TMEM170A: variants seen among roughly 807,000 people sequenced by gnomAD.
TMEM170A encodes the protein transmembrane protein 170A.
TMEM170A carries 18 observed loss-of-function variants against 12.8 expected under a neutral mutation model. That is an observed-to-expected ratio of 1.41 (90% CI 0.97 to 2.09). The LOEUF (loss-of-function observed/expected upper bound fraction) is 2.09, where lower values mean the gene tolerates loss of function less well. Among genes scored for constraint, TMEM170A ranks in the 30% most tolerant of loss-of-function variants. The probability of loss-of-function intolerance (pLI) is 0.00; values close to 1 mark genes in which losing one functional copy is unlikely to be tolerated. For synonymous variants in TMEM170A, 107 were observed against 76.2 expected (o/e 1.40, Z -2.11); for missense variants, 220 against 179.9 (o/e 1.22, Z -1.28).
At chr16:75,448,431 G>C (rs1043697792) in intron 2 of TMEM170A, among the ~76,000 whole-genome samples, 1 of 152,134 alleles carries the variant, frequency 6.6e-6, no homozygotes, top group South Asian at 2.1e-4. Context: ...TTATACCAAG[G>C]AAGTGTACCA....
Position 75,449,621 on chromosome 16 carries a change from T to C in TMEM170A, c.305-1933A>G, listed in dbSNP as rs1014804974. Reference sequence around the variant, plus strand: ...GGCATAAGCCACCATGCCTGGCACATTTCACAAATGTGATGTGAAGGTATA... The same window carrying C: ...GGCATAAGCCACCATGCCTGGCACACTTCACAAATGTGATGTGAAGGTATA... On this transcript the variant is annotated intron_variant, in intron 2 of 2. Coordinates refer to ENST00000561878, the MANE Select transcript of TMEM170A (RefSeq NM_145254.3). Among the ~76,000 whole-genome samples the C allele has an allele frequency of 5.9e-5, 9 of 152,196 alleles. No homozygotes were observed. The South Asian group carries it at 8.3e-4, about 14-fold the overall frequency.
At chr16:75,451,620 G>T (rs1359905436) in intron 2 of TMEM170A, 49 bp downstream of exon 2, 2 of 1,583,712 alleles carry the variant, frequency 1.3e-6, no homozygotes, top group South Asian at 2.2e-5. Flanking sequence ...TCCTGAAATT[G>T]ACTAGTCATA....
At chr16:75,448,689 A>G (rs937511035) in intron 2 of TMEM170A, among the ~76,000 whole-genome samples, 1 of 151,798 alleles carries the variant, frequency 6.6e-6, no homozygotes, top group African/African-American at 2.4e-5. Context: ...GCTTGAACCC[A>G]GGAGGTGGAG....
At chr16:75,463,926 G>A (rs1470909042) in intron 1 of TMEM170A, among the ~76,000 whole-genome samples, 1 of 152,246 alleles carries the variant, frequency 6.6e-6, no homozygotes, top group African/African-American at 2.4e-5. Context: ...AAGATTCCTA[G>A]AAAGCGGAGC....
intron 2 of TMEM170A, among the ~76,000 whole-genome samples, chr16:75,449,329 C>T (rs1393835799): frequency 1.0e-5 from 1 of 97,840 alleles, no homozygotes; most frequent in Non-Finnish European, 2.2e-5. Flanking sequence ...ATCACGTTTA[C>T]AATTTTTTTT....
intron 2 of TMEM170A, among the ~76,000 whole-genome samples, chr16:75,449,558 A>G (rs939233134): frequency 2.0e-5 from 3 of 152,166 alleles, no homozygotes; most frequent in African/African-American, 7.2e-5. Flanking sequence ...GACTTAAGCA[A>G]TCCTCCCAAG....
chr16:75,447,777 G>A (rs1465231311), intron 2 of TMEM170A, 89 bp from the exon 3 acceptor site: 1 of 1,382,222 alleles, frequency 7.2e-7, no homozygotes. Flanking sequence ...ACTACTGCGA[G>A]TAGAATGTTC....
In TMEM170A at chr16:75,464,405, C is replaced by A. The variant is rs529215872; in HGVS notation, c.133+63G>T. The A allele has an allele frequency of 1.3e-3, 1,830 of 1,384,476 alleles. 3 individuals are homozygous for A. Among genetic ancestry groups the A allele is most frequent in the Non-Finnish European group, 1.4e-3 (1,549 of 1,069,646 alleles). 85.8% of individuals were successfully genotyped at this position (1,384,476 alleles called of 1,614,324 possible). On this transcript the variant is annotated intron_variant, in intron 1 of 2. Coordinates refer to ENST00000561878, the MANE Select transcript of TMEM170A (RefSeq NM_145254.3). ...CCCGGGACCCCGCCCAGACTCGGGG[C>A]GCCCACAGCACGGCAGCGGCGACGG...
intron 2 of TMEM170A, among the ~76,000 whole-genome samples, chr16:75,450,399 T>G (rs1322777239): frequency 2.6e-5 from 4 of 152,062 alleles, no homozygotes; most frequent in Non-Finnish European, 5.9e-5. Flanking sequence ...AAATGGAGGA[T>G]TTTACATTTT....
At chr16:75,464,071 A>C (rs1216612668) in intron 1 of TMEM170A, among the ~76,000 whole-genome samples, 1 of 152,162 alleles carries the variant, frequency 6.6e-6, no homozygotes, top group Non-Finnish European at 1.5e-5. Flanking sequence ...GGCCGCTCCG[A>C]GACCCCTCGA....
At chr16:75,449,029 C>T (rs1186313482) in intron 2 of TMEM170A, among the ~76,000 whole-genome samples, 1 of 151,674 alleles carries the variant, frequency 6.6e-6, no homozygotes, top group Non-Finnish European at 1.5e-5. Flanking sequence ...CCACTGCACT[C>T]CAGCCTGGGT....
intron 1 of TMEM170A, among the ~76,000 whole-genome samples, chr16:75,461,817 A>G (rs533089260): frequency 1.2e-4 from 18 of 152,348 alleles, no homozygotes; most frequent in Non-Finnish European, 2.5e-4. Flanking sequence ...CAAGTTACAT[A>G]CCCATAACAG....
In TMEM170A at chr16:75,464,618, C is replaced by T. The variant is rs2079966457; in HGVS notation, c.-18G>A. 1.3e-6 allele frequency: 2 copies of T among 1,573,446 alleles called. No homozygotes were observed. Among genetic ancestry groups the T allele is most frequent in the Admixed American group, 1.9e-5 (1 of 53,912 alleles). The stretch of plus-strand genomic sequence containing the variant: ...CGCTCCATCCCGTCGCCATTCACCA[C>T]AGAGAAATGAGGGACGAGCGCCCGA... On this transcript the variant is annotated 5_prime_UTR_variant, in exon 1 of 3. In the 5' UTR this introduces an upstream ATG that the reference lacks. Coordinates refer to ENST00000561878, the MANE Select transcript of TMEM170A (RefSeq NM_145254.3).
intron 1 of TMEM170A, among the ~76,000 whole-genome samples, chr16:75,454,467 CAT>C (rs945231624): frequency 2.1e-4 from 31 of 150,702 alleles, no homozygotes; most frequent in African/African-American, 4.6e-4. Context: ...AATACACACA[CAT>C]ACACACACAC....
chr16:75,457,132 T>C (rs2079813345), intron 1 of TMEM170A, among the ~76,000 whole-genome samples: 1 of 152,128 alleles, frequency 6.6e-6, no homozygotes, highest in Non-Finnish European at 1.5e-5. Context: ...CCTGGGTCCC[T>C]GCTATCCAGG....
chr16:75,452,032 C>T (rs865773844), intron 1 of TMEM170A, among the ~76,000 whole-genome samples, 193 bp from the exon 2 acceptor site: 14 of 152,090 alleles, frequency 9.2e-5, no homozygotes, highest in African/African-American at 2.2e-4. Context: ...AGTACAGTGG[C>T]GTGATCTCGG....
chr16:75,457,014 C>T (rs1009075392), intron 1 of TMEM170A, among the ~76,000 whole-genome samples: 2 of 152,252 alleles, frequency 1.3e-5, no homozygotes, highest in Admixed American at 6.5e-5. Context: ...ATGATGGCAT[C>T]AGGAATTCAC....
Position 75,445,025 on chromosome 16 carries a change from ACTC to A in TMEM170A, c.*2530_*2532del, listed in dbSNP as rs1230493378. 6.6e-6 allele frequency: 1 copy of A among 152,158 alleles called. No homozygotes were observed. The highest frequency in any genetic ancestry group is 2.4e-5 in the African/African-American group (1 of 41,448). 9.4% of individuals were successfully genotyped at this position (152,158 alleles called of 1,614,324 possible). ...CATCCAAAGAATGCTTTAGGCAAGA[ACTC>A]CTTCAAAAGACATTTTTCAGTAAGA... On this transcript the variant is annotated 3_prime_UTR_variant, in exon 3 of 3. Transcript: ENST00000561878.
intron 2 of TMEM170A, 78 bp from the exon 3 acceptor site, chr16:75,447,766 T>C: frequency 7.0e-7 from 1 of 1,437,246 alleles, no homozygotes; most frequent in Non-Finnish European, 9.4e-7. Context: ...ACATTTAAAA[T>C]ACTACTGCGA....
Sources: allele counts gnomAD v4.1 joint callset (sites outside exome capture counted in the v4.1 genomes callset), GRCh38; gene constraint gnomAD v4.1.1; transcripts MANE v1.5; gene names NCBI Gene and HGNC (gene_info 2026-07-23, HGNC 2026-07-21).